The following WWOX variants were observed in gnomAD, a reference collection of about 807,000 sequenced individuals.
The protein encoded by WWOX is WW domain containing oxidoreductase.
Under a neutral mutation model 46.2 loss-of-function variants are expected in WWOX, and 69 were observed. The observed-to-expected ratio is 1.49, with a 90% CI of 1.23 to 1.82. The LOEUF (loss-of-function observed/expected upper bound fraction) is 1.82. Among genes scored for constraint, WWOX ranks in the 40% most tolerant of loss-of-function variants. The pLI is 0.00. For missense variants in WWOX, 919 were observed against 542.6 expected (o/e 1.69, Z -6.89); for synonymous variants, 359 against 202.6 (o/e 1.77, Z -6.56).
At chr16:78,646,777 A>G (rs1245675621) in intron 8 of WWOX, among the ~76,000 whole-genome samples, 1 of 152,210 alleles carries the variant, frequency 6.6e-6, no homozygotes, top group Non-Finnish European at 1.5e-5. Context: ...TTCTAGAACT[A>G]GAACATAAGC....
At chr16:78,986,139 A>T (rs138799884) in intron 8 of WWOX, among the ~76,000 whole-genome samples, 1 of 152,310 alleles carries the variant, frequency 6.6e-6, no homozygotes, top group East Asian at 1.9e-4. Flanking sequence ...GCACACATAC[A>T]TTCCTGGTTC....
chr16:78,563,680 T>C (rs1416198041), intron 8 of WWOX, among the ~76,000 whole-genome samples: 2 of 152,156 alleles, frequency 1.3e-5, no homozygotes, highest in African/African-American at 2.4e-5. Context: ...AGTGATCTGA[T>C]TCATTAATAT....
intron 8 of WWOX, among the ~76,000 whole-genome samples, chr16:78,665,856 T>C (rs2047319230): frequency 6.6e-6 from 1 of 152,126 alleles, no homozygotes; most frequent in Non-Finnish European, 1.5e-5. Context: ...GGCTAATTTT[T>C]GTATTTTTAG....
intron 8 of WWOX, among the ~76,000 whole-genome samples, chr16:78,908,272 G>A (rs114576516): frequency 9.2e-5 from 14 of 152,244 alleles, no homozygotes; most frequent in African/African-American, 3.4e-4. Flanking sequence ...AGGCACGGTG[G>A]CTCATGCCTG....
chr16:78,990,120 G>T (rs2046857293), intron 8 of WWOX, among the ~76,000 whole-genome samples: 1 of 150,828 alleles, frequency 6.6e-6, no homozygotes, highest in African/African-American at 2.4e-5. Context: ...GGAAGTCTAG[G>T]CTGCAGTGAG....
intron 8 of WWOX, among the ~76,000 whole-genome samples, chr16:78,819,178 G>T (rs1291363315): frequency 6.6e-6 from 1 of 152,168 alleles, no homozygotes; most frequent in East Asian, 1.9e-4. Context: ...GATCTTCTCA[G>T]CCCCATCAGG....
intron 8 of WWOX, among the ~76,000 whole-genome samples, chr16:78,621,592 C>G (rs199906868): frequency 3.2e-5 from 1 of 31,512 alleles, no homozygotes; most frequent in African/African-American, 1.3e-4. Flanking sequence ...TTGTTCTAAT[C>G]TTTTTTTTTT....
At chr16:79,161,615 C>T (rs866779652) in intron 8 of WWOX, among the ~76,000 whole-genome samples, 13 of 152,256 alleles carry the variant, frequency 8.5e-5, no homozygotes, top group Admixed American at 2.6e-4. Flanking sequence ...TGCTGTCTCC[C>T]GGATTCAAGC....
At position 78,550,880 on chromosome 16, in the gene WWOX, G is replaced by C. The variant is rs560004510; in HGVS notation, c.1056+118128G>C. 41 of 152,266 alleles carry C rather than the reference G, an allele frequency of 2.7e-4. 1 individual carries two copies. The highest frequency in any genetic ancestry group is 9.6e-4 in the African/African-American group (40 of 41,560). 9.4% of individuals were successfully genotyped at this position (152,266 alleles called of 1,614,324 possible). The stretch of plus-strand genomic sequence containing the variant: ...TTAAGGATTAAGAAAAAAGGAGTAA[G>C]AGAGATGGTATGACTTATCACTTGG... On this transcript the variant is annotated intron_variant, in intron 8 of 8. Transcript: ENST00000566780.
intron 8 of WWOX, among the ~76,000 whole-genome samples, chr16:78,721,469 G>A (rs879912483): frequency 2.6e-5 from 4 of 152,190 alleles, no homozygotes; most frequent in Non-Finnish European, 5.9e-5. Flanking sequence ...TCTCTAAAGT[G>A]TTCAGCCATC....
intron 8 of WWOX, among the ~76,000 whole-genome samples, chr16:78,573,629 T>C (rs2151576864): frequency 6.6e-6 from 1 of 152,292 alleles, no homozygotes; most frequent in African/African-American, 2.4e-5. Flanking sequence ...TCTCACTAAT[T>C]TGTTCATTAT....
intron 3 of WWOX, 146 bp from the exon 4 acceptor site, chr16:78,114,830 G>C (rs1255571185): frequency 2.0e-6 from 2 of 982,140 alleles, no homozygotes; most frequent in African/African-American, 1.7e-5. Context: ...CCAGAAGATA[G>C]ATTCAGTGGG....
intron 8 of WWOX, among the ~76,000 whole-genome samples, chr16:78,887,381 G>A (rs1269249434): frequency 6.6e-6 from 1 of 151,410 alleles, no homozygotes; most frequent in Non-Finnish European, 1.5e-5. Context: ...GAATTATTCA[G>A]TGCATTCGCT....
intron 5 of WWOX, among the ~76,000 whole-genome samples, chr16:78,213,160 A>T (rs1055912516): frequency 1.3e-5 from 2 of 151,062 alleles, no homozygotes; most frequent in African/African-American, 4.9e-5. Flanking sequence ...CTGAGGCACA[A>T]GGATTGCTTG....
chr16:78,714,493 G>C (rs766969755), intron 8 of WWOX, among the ~76,000 whole-genome samples: 2 of 151,876 alleles, frequency 1.3e-5, no homozygotes, highest in African/African-American at 4.8e-5. Context: ...GGGATGATGG[G>C]AGATACAATT....
At chr16:79,076,130 C>T (rs914011303) in intron 8 of WWOX, among the ~76,000 whole-genome samples, 2 of 152,198 alleles carry the variant, frequency 1.3e-5, no homozygotes, top group South Asian at 2.1e-4. Context: ...GACCAGCCTA[C>T]GCTGAGTATT....
At chr16:78,985,234 G>C (rs2046761518) in intron 8 of WWOX, among the ~76,000 whole-genome samples, 1 of 152,200 alleles carries the variant, frequency 6.6e-6, no homozygotes, top group African/African-American at 2.4e-5. Context: ...TTGATCATGA[G>C]GGTTTTACAG....
chr16:78,100,289 G>A, intron 1 of WWOX: 3 of 1,057,950 alleles, frequency 2.8e-6, no homozygotes, highest in Non-Finnish European at 3.5e-6. Flanking sequence ...GTATTGCTCA[G>A]TCATCCAGGC....
intron 8 of WWOX, among the ~76,000 whole-genome samples, chr16:78,979,737 G>T (rs2046644790): frequency 6.6e-6 from 1 of 152,188 alleles, no homozygotes. Flanking sequence ...AAGGTCCCCA[G>T]TGGTCCAGGT....
Sources: gnomAD v4.1 joint callset for allele counts (sites outside exome capture counted in the v4.1 genomes callset) on GRCh38, gnomAD v4.1.1 for gene constraint, MANE v1.5 for transcripts, NCBI Gene and HGNC (gene_info 2026-07-23, HGNC 2026-07-21) for gene names.